The following ARHGEF38 variants were observed in gnomAD, a reference collection of about 807,000 sequenced individuals.
ARHGEF38 encodes the protein Rho guanine nucleotide exchange factor (GEF) 38.
A neutral mutation model predicts 79.9 loss-of-function variants in ARHGEF38; 79 were observed. The ratio of observed to expected loss-of-function variants is 0.99; its 90% CI spans 0.82 to 1.19. ARHGEF38 has a LOEUF of 1.19. ARHGEF38 is among the 50% of genes most tolerant of loss of function. The pLI is 0.00. For synonymous variants in ARHGEF38, 366 were observed against 328.3 expected (o/e 1.11, Z -1.24); for missense variants, 962 against 907.2 (o/e 1.06, Z -0.78).
rs1443451953 is a variant in ARHGEF38, at chr4:105,659,851, G to T, written c.1545+486G>T. Among the ~76,000 whole-genome samples, 18 of 130,728 alleles carry T rather than the reference G, an allele frequency of 1.4e-4. No homozygotes were observed. The East Asian group carries it at 3.2e-3, about 23-fold the overall frequency. 85.8% of individuals were successfully genotyped at this position (130,728 alleles called of 152,430 possible). On this transcript the variant is annotated intron_variant, in intron 10 of 13. Coordinates refer to ENST00000420470, the MANE Select transcript of ARHGEF38 (RefSeq NM_001242729.2). ...CCCCAAGAAAGAGAAGCCTGGTTTT[G>T]TGTGTGTGTGTGTGTGTGTGTGTGT...
chr4:105,657,735 T>A (rs2110561389), intron 9 of ARHGEF38, among the ~76,000 whole-genome samples: 1 of 152,320 alleles, frequency 6.6e-6, no homozygotes, highest in East Asian at 1.9e-4. Context: ...GTATATTGAC[T>A]ATCTCATAAG....
chr4:105,619,481 G>A (rs1006600705), intron 3 of ARHGEF38, among the ~76,000 whole-genome samples: 1 of 152,068 alleles, frequency 6.6e-6, no homozygotes, highest in Non-Finnish European at 1.5e-5. Context: ...ATTGTCTTAA[G>A]CTTTTAAGTT....
chr4:105,553,217 G>C (rs931397440), intron 1 of ARHGEF38, among the ~76,000 whole-genome samples: 1 of 151,886 alleles, frequency 6.6e-6, no homozygotes, highest in East Asian at 1.9e-4. Context: ...TTCCTGGTGA[G>C]GGTAATCATT....
chr4:105,643,554 G>A (rs936640857), intron 5 of ARHGEF38, among the ~76,000 whole-genome samples: 4 of 152,026 alleles, frequency 2.6e-5, no homozygotes, highest in Non-Finnish European at 5.9e-5. Flanking sequence ...AAAAACGTTC[G>A]GTATAAGATA....
At position 105,676,021 on chromosome 4, in the gene ARHGEF38, A is replaced by G. The variant is rs535136460; in HGVS notation, c.2149-1731A>G. Among the ~76,000 whole-genome samples the G allele has an allele frequency of 4.6e-5, 7 of 152,364 alleles. No homozygotes were observed. The South Asian group carries it at 8.3e-4, about 18-fold the overall frequency. ...GTTCTTTCCTTGGGGAGCAGCTCAT[A>G]TTAGTTGATAAATCAATATCCCAAT... is the stretch of plus-strand genomic sequence containing the variant. On this transcript the variant is annotated intron_variant, in intron 13 of 13. Coordinates refer to ENST00000420470, the MANE Select transcript of ARHGEF38 (RefSeq NM_001242729.2).
chr4:105,645,317 G>A lies in ARHGEF38; in HGVS notation c.804G>A (p.Leu268=). 6.5e-7 allele frequency: 1 copy of A among 1,536,402 alleles called. No homozygotes were observed. Residue 268 remains leucine (L), a synonymous_variant, in exon 6 of 14, where the codon CTG becomes CTA. Coordinates refer to ENST00000420470, the MANE Select transcript of ARHGEF38 (RefSeq NM_001242729.2). ...CCTCTCACCCAGATTACAGAGCACT[G>A]GACGATGCCTTTGCTGCTGTGAAGG... ...TPPSHPDYRA[L]DDAFAAVKDI... is the part of the protein sequence containing the mutation.
Position 105,677,984 on chromosome 4 carries a change from T to A in ARHGEF38, c.*47T>A. On this transcript the variant is annotated 3_prime_UTR_variant, in exon 14 of 14. Transcript: ENST00000420470. ...ATTTTCCAGCAAGTTGTTGATTGAC[T>A]ACCTCATAAAACTGACATTACAAAA... 7.0e-7 allele frequency: 1 copy of A among 1,435,374 alleles called. No individual in the cohort carries two copies. The highest frequency in any genetic ancestry group is 9.2e-7 in the Non-Finnish European group (1 of 1,084,834). The allele number at this position is 1,435,374 out of a possible 1,614,324, so 88.9% of individuals were successfully genotyped here.
At chr4:105,633,553 C>T (rs1729278990) in intron 4 of ARHGEF38, among the ~76,000 whole-genome samples, 1 of 152,098 alleles carries the variant, frequency 6.6e-6, no homozygotes, top group Admixed American at 6.6e-5. Context: ...GGTGTGGCCT[C>T]CATTTTATCC....
At chr4:105,605,762 A>G (rs1028648003) in intron 2 of ARHGEF38, among the ~76,000 whole-genome samples, 1 of 152,070 alleles carries the variant, frequency 6.6e-6, no homozygotes, top group Non-Finnish European at 1.5e-5. Context: ...TAATGAGTTA[A>G]TTATCCTAGC....
intron 13 of ARHGEF38, among the ~76,000 whole-genome samples, chr4:105,672,008 C>T (rs138219635): frequency 2.0e-5 from 3 of 152,194 alleles, no homozygotes; most frequent in African/African-American, 7.2e-5. Flanking sequence ...TGGCCTCTAC[C>T]TCATACTCAG....
At chr4:105,635,656 G>T (rs1729367576) in intron 4 of ARHGEF38, among the ~76,000 whole-genome samples, 1 of 152,026 alleles carries the variant, frequency 6.6e-6, no homozygotes, top group African/African-American at 2.4e-5. Flanking sequence ...CCCTTTAGAA[G>T]AGGAAAGAAG....
At chr4:105,632,523 A>G (rs1729237786) in intron 4 of ARHGEF38, among the ~76,000 whole-genome samples, 2 of 152,178 alleles carry the variant, frequency 1.3e-5, no homozygotes, top group African/African-American at 4.8e-5. Flanking sequence ...ATAAATTCAT[A>G]TATTAGAAGC....
intron 3 of ARHGEF38, among the ~76,000 whole-genome samples, chr4:105,622,271 T>C (rs1393465994): frequency 6.6e-6 from 1 of 152,114 alleles, no homozygotes; most frequent in Non-Finnish European, 1.5e-5. Flanking sequence ...CAGATTTGAA[T>C]GGACCTGCGA....
chr4:105,642,558 A>T (rs186160027), intron 5 of ARHGEF38, among the ~76,000 whole-genome samples: 1 of 152,276 alleles, frequency 6.6e-6, no homozygotes, highest in Non-Finnish European at 1.5e-5. Context: ...TAACATTTAA[A>T]GTTAAAGTTC....
chr4:105,561,522 ATAG>A (rs1253785979), intron 1 of ARHGEF38: 2 of 149,054 alleles, frequency 1.3e-5, no homozygotes, highest in Non-Finnish European at 3.0e-5. Flanking sequence ...ATAGAATAGA[ATAG>A]AATAGAATAG....
chr4:105,581,164 G>A (rs1726774145), intron 1 of ARHGEF38, among the ~76,000 whole-genome samples: 1 of 149,322 alleles, frequency 6.7e-6, no homozygotes, highest in South Asian at 2.3e-4. Context: ...TCTCTGCCTT[G>A]AGCCCAGCAT....
intron 10 of ARHGEF38, among the ~76,000 whole-genome samples, chr4:105,659,804 G>C (rs567243714): frequency 6.0e-5 from 9 of 150,822 alleles, no homozygotes; most frequent in South Asian, 4.2e-4. Flanking sequence ...TTCAAACCAT[G>C]CTTTGTTTTG....
rs1316550829 is a variant in ARHGEF38 at position 105,556,461 on chromosome 4, T to A, written c.196+3500T>A. Among the ~76,000 whole-genome samples the A allele has an allele frequency of 2.0e-5, 3 of 152,234 alleles. No individual in the cohort carries two copies. The East Asian group carries it at 5.8e-4, about 29-fold the overall frequency. The stretch of plus-strand genomic sequence containing the variant: ...AGGAAACGGTCTATTCAGGACTGCA[T>A]GAAGGAGGTTGTCAGAAAATGGTGT... On this transcript the variant is annotated intron_variant, in intron 1 of 13. Coordinates refer to ENST00000420470, the MANE Select transcript of ARHGEF38 (RefSeq NM_001242729.2).
chr4:105,626,153 C>A (rs1449187181), intron 3 of ARHGEF38, among the ~76,000 whole-genome samples: 1 of 152,186 alleles, frequency 6.6e-6, no homozygotes, highest in African/African-American at 2.4e-5. Flanking sequence ...CTTGAATATA[C>A]AATAAGCAAC....
Sources: gnomAD v4.1 joint callset for allele counts (sites outside exome capture counted in the v4.1 genomes callset) on GRCh38, gnomAD v4.1.1 for gene constraint, MANE v1.5 for transcripts, NCBI Gene and HGNC (gene_info 2026-07-23, HGNC 2026-07-21) for gene names.